Variants in TAF3 observed in about 807,000 individuals in gnomAD.
The protein encoded by TAF3 is TATA-box binding protein associated factor 3.
Under a neutral mutation model 80.6 loss-of-function variants are expected in TAF3, and 7 were observed. That is an observed-to-expected ratio of 0.09 (90% CI 0.05 to 0.16). The LOEUF is 0.16. Among genes scored for constraint, TAF3 ranks in the 10% least tolerant of loss-of-function variants. The pLI is 1.00. For synonymous variants in TAF3, 444 were observed against 446.1 expected (o/e 1.00, Z 0.06); for missense variants, 921 against 1,140.2 (o/e 0.81, Z 2.77).
At chr10:7,907,993 A>G (rs190203012) in intron 2 of TAF3, among the ~76,000 whole-genome samples, 2 of 152,226 alleles carry the variant, frequency 1.3e-5, no homozygotes, top group East Asian at 3.9e-4. Context: ...AGATACGTAG[A>G]AGAAGTTGGC....
chr10:7,892,154 T>G (rs1275698006), intron 2 of TAF3, among the ~76,000 whole-genome samples: 1 of 152,252 alleles, frequency 6.6e-6, no homozygotes, highest in African/African-American at 2.4e-5. Context: ...TGAATGCTTA[T>G]TTTGCTCCTT....
chr10:7,998,070 A>G (rs1163990794), intron 4 of TAF3, among the ~76,000 whole-genome samples: 1 of 151,852 alleles, frequency 6.6e-6, no homozygotes, highest in Non-Finnish European at 1.5e-5. Context: ...TTCAAACTCC[A>G]GTGAATTTTC....
At chr10:7,875,330 C>G (rs771231062) in intron 2 of TAF3, among the ~76,000 whole-genome samples, 1 of 152,006 alleles carries the variant, frequency 6.6e-6, no homozygotes, top group African/African-American at 2.4e-5. Flanking sequence ...GTTCTTTGAG[C>G]CTTTGGCTTA....
chr10:7,865,205 T>C (rs554139205), intron 2 of TAF3, among the ~76,000 whole-genome samples: 36 of 152,114 alleles, frequency 2.4e-4, no homozygotes, highest in Admixed American at 1.5e-3. Context: ...TGGTGGCTCA[T>C]GCCTGTAATC....
At chr10:7,837,341 C>CAAAAAAAA (rs79016748) in intron 2 of TAF3, among the ~76,000 whole-genome samples, 1 of 90,102 alleles carries the variant, frequency 1.1e-5, no homozygotes. Flanking sequence ...CCAGTCTGGG[C>CAAAAAAAA]AAAAAAAAAA....
intron 4 of TAF3, among the ~76,000 whole-genome samples, chr10:7,980,320 T>G (rs1353819918): frequency 6.6e-6 from 1 of 152,236 alleles, no homozygotes; most frequent in African/African-American, 2.4e-5. Context: ...GAGTCTTAAA[T>G]AAAGCAGTTA....
At chr10:8,008,077 C>T (rs990810974) in intron 4 of TAF3, among the ~76,000 whole-genome samples, 21 of 151,036 alleles carry the variant, frequency 1.4e-4, no homozygotes, top group Non-Finnish European at 5.9e-5. Context: ...CCTCTGCAGC[C>T]CGTCTGGGAA....
At chr10:7,834,328 T>C (rs1464827883) in intron 2 of TAF3, among the ~76,000 whole-genome samples, 1 of 152,236 alleles carries the variant, frequency 6.6e-6, no homozygotes, top group Non-Finnish European at 1.5e-5. Flanking sequence ...AGTTTTGTAG[T>C]TTCAAGTCTT....
intron 2 of TAF3, among the ~76,000 whole-genome samples, chr10:7,953,170 T>G (rs1838101093): frequency 6.6e-6 from 1 of 152,208 alleles, no homozygotes; most frequent in Admixed American, 6.5e-5. Flanking sequence ...ATCACGTTGT[T>G]TCACTTCGGT....
chr10:7,857,885 C>T (rs1837098142), intron 2 of TAF3, among the ~76,000 whole-genome samples: 2 of 149,622 alleles, frequency 1.3e-5, no homozygotes, highest in Non-Finnish European at 1.5e-5. Context: ...TATATCACAC[C>T]CCAGGGTTCT....
intron 5 of TAF3, among the ~76,000 whole-genome samples, chr10:8,012,391 C>T (rs1173821835): frequency 6.6e-6 from 1 of 152,180 alleles, no homozygotes; most frequent in African/African-American, 2.4e-5. Flanking sequence ...GGTTGTTTTA[C>T]AGGGATTAAA....
At chr10:7,975,634 C>T (rs978485901) in intron 3 of TAF3, among the ~76,000 whole-genome samples, 6 of 152,066 alleles carry the variant, frequency 3.9e-5, no homozygotes, top group African/African-American at 9.7e-5. Context: ...AAATGTCTGC[C>T]GAGCATCTCC....
At chr10:7,934,633 C>T (rs182559032) in intron 2 of TAF3, among the ~76,000 whole-genome samples, 52 of 152,096 alleles carry the variant, frequency 3.4e-4, no homozygotes, top group South Asian at 1.0e-3. Context: ...TTAGTAGGGA[C>T]GGAGTTTCAC....
chr10:7,909,773 G>A (rs1297119906), intron 2 of TAF3, among the ~76,000 whole-genome samples: 1 of 152,158 alleles, frequency 6.6e-6, no homozygotes, highest in Non-Finnish European at 1.5e-5. Context: ...TTTATTTGCA[G>A]AATAGGAATC....
chr10:7,962,337 C>T (rs1831515564), intron 2 of TAF3, among the ~76,000 whole-genome samples: 1 of 152,146 alleles, frequency 6.6e-6, no homozygotes, highest in South Asian at 2.1e-4. Context: ...TATTGCTCTC[C>T]TTCAGTACCC....
At chr10:8,012,771 C>T (rs1418492306) in intron 5 of TAF3, among the ~76,000 whole-genome samples, 1 of 152,146 alleles carries the variant, frequency 6.6e-6, no homozygotes, top group South Asian at 2.1e-4. Flanking sequence ...CATATATGGA[C>T]CCCCAATGCA....
At chr10:8,004,766 T>C (rs1044836354) in intron 4 of TAF3, among the ~76,000 whole-genome samples, 1 of 152,226 alleles carries the variant, frequency 6.6e-6, no homozygotes, top group Admixed American at 6.5e-5. Flanking sequence ...TATAGATTTA[T>C]TTTTATTTAT....
intron 4 of TAF3, among the ~76,000 whole-genome samples, chr10:7,982,762 T>G (rs551555043): frequency 1.3e-5 from 2 of 152,360 alleles, no homozygotes; most frequent in East Asian, 3.9e-4. Context: ...TTCAAGGCAG[T>G]AAATTTAAAA....
rs149827269 is a variant in TAF3 at position 7,874,066 on chromosome 10, A to G, written c.409+49506A>G. ...AGGATCAATAGGTAATAGTAAGTGC[A>G]TTGAAGATATTATTGCCAAGCTCTT... On this transcript the variant is annotated intron_variant, in intron 2 of 6. Coordinates refer to ENST00000344293, the MANE Select transcript of TAF3 (RefSeq NM_031923.4). 9.2e-4 allele frequency among the ~76,000 whole-genome samples: 140 copies of G among 152,360 alleles called. 1 individual carries two copies. The highest frequency in any genetic ancestry group is 9.1e-4 in the Non-Finnish European group (62 of 68,024).
Sources: gnomAD v4.1 joint callset for allele counts (sites outside exome capture counted in the v4.1 genomes callset) on GRCh38, gnomAD v4.1.1 for gene constraint, MANE v1.5 for transcripts, NCBI Gene and HGNC (gene_info 2026-07-23, HGNC 2026-07-21) for gene names.